The following NIPBL variants were observed in gnomAD, a reference collection of about 807,000 sequenced individuals.
The protein encoded by NIPBL is NIPBL cohesin loading factor, also known as nipped-B-like protein.
Under a neutral mutation model 321.8 loss-of-function variants are expected in NIPBL, and 19 were observed. The ratio of observed to expected loss-of-function variants is 0.06; its 90% CI spans 0.04 to 0.09. The LOEUF is 0.09. NIPBL is among the 10% of genes least tolerant of loss of function. The pLI is 1.00. For synonymous variants in NIPBL, 1,106 were observed against 1,114.1 expected (o/e 0.99, Z 0.14); for missense variants, 2,210 against 3,327.0 (o/e 0.66, Z 8.26).
At chr5:36,982,308 A>C in intron 9 of NIPBL, 13 of 725,286 alleles carry the variant, frequency 1.8e-5, no homozygotes, top group South Asian at 6.2e-5. Flanking sequence ...ATGAAGACTC[A>C]TAACAAAAGT....
At chr5:37,038,104 C>G (rs1026369035) in intron 33 of NIPBL, among the ~76,000 whole-genome samples, 1 of 151,768 alleles carries the variant, frequency 6.6e-6, no homozygotes, top group Admixed American at 6.6e-5. Context: ...ATCCTCCCAC[C>G]TCGGCCTCCC....
intron 1 of NIPBL, among the ~76,000 whole-genome samples, chr5:36,952,524 T>A (rs917687255): frequency 1.4e-4 from 21 of 152,166 alleles, no homozygotes; most frequent in African/African-American, 4.6e-4. Flanking sequence ...TACCAAGTAC[T>A]GTTAAAGGAA....
chr5:37,029,240 TC>T (rs1478245222), intron 32 of NIPBL, among the ~76,000 whole-genome samples: 2 of 152,206 alleles, frequency 1.3e-5, no homozygotes, highest in Non-Finnish European at 1.5e-5. Context: ...TTGCAGTTGA[TC>T]CTCTCTTCCT....
chr5:37,012,154 CTT>C (rs1748207980), intron 21 of NIPBL, among the ~76,000 whole-genome samples: 3 of 89,802 alleles, frequency 3.3e-5, no homozygotes, highest in African/African-American at 1.2e-4. Flanking sequence ...TTTTTTTTTT[CTT>C]TTTGTTTTCT....
At chr5:37,050,158 T>A (rs948472879) in intron 40 of NIPBL, among the ~76,000 whole-genome samples, 1 of 149,174 alleles carries the variant, frequency 6.7e-6, no homozygotes, top group Non-Finnish European at 1.5e-5. Flanking sequence ...CCTTTTAAAC[T>A]TTTTTTTTTA....
chr5:37,064,671 A>C lies in NIPBL; in HGVS notation c.8194A>C (p.Ser2732Arg). The C allele has an allele frequency of 6.2e-7, 1 of 1,614,196 alleles. No individual in the cohort carries two copies. The highest frequency in any genetic ancestry group is 8.5e-7 in the Non-Finnish European group (1 of 1,180,034). ...AATTGCAAGAGTAGTGCAGAAAACCAGCAGTGGCTTCAGTGTTCAGTGGAT... is the reference window on the plus strand; with the variant it reads ...AATTGCAAGAGTAGTGCAGAAAACCCGCAGTGGCTTCAGTGTTCAGTGGAT... ...PQIARVVQKTSSGFSVQWMAG... is the reference protein window; with the variant it reads ...PQIARVVQKTRSGFSVQWMAG... Residue 2732 changes from serine to arginine, a missense_variant, in exon 47 of 47, where the codon AGC (serine) becomes CGC (arginine). Ser to Arg is a moderately radical substitution (Grantham distance 110). Around this residue, in one of 14 missense-constraint regions of NIPBL, gnomAD observed 159 missense variants for 319.2 expected, o/e 0.50. Transcript: ENST00000282516.
At chr5:36,881,433 C>A (rs372486427) in intron 1 of NIPBL, among the ~76,000 whole-genome samples, 1 of 151,678 alleles carries the variant, frequency 6.6e-6, no homozygotes, top group East Asian at 1.9e-4. Flanking sequence ...TGTAGCATTG[C>A]CAGCTAAGAT....
At chr5:36,912,774 A>T (rs1748145953) in intron 1 of NIPBL, among the ~76,000 whole-genome samples, 1 of 152,118 alleles carries the variant, frequency 6.6e-6, no homozygotes, top group Non-Finnish European at 1.5e-5. Context: ...TGCTGGGATT[A>T]CAGATGTGAG....
chr5:36,941,439 A>G (rs935449317), intron 1 of NIPBL, among the ~76,000 whole-genome samples: 10 of 151,762 alleles, frequency 6.6e-5, no homozygotes, highest in African/African-American at 9.7e-5. Flanking sequence ...AAAAAAATCA[A>G]TCAGCTATCA....
At chr5:36,926,984 C>G (rs544198331) in intron 1 of NIPBL, among the ~76,000 whole-genome samples, 1 of 152,066 alleles carries the variant, frequency 6.6e-6, no homozygotes, top group Admixed American at 6.5e-5. Flanking sequence ...TGAAGCTGAA[C>G]CAAAATGTTT....
At chr5:37,064,103 GTAGA>G (rs1455857916) in intron 46 of NIPBL, 125 bp downstream of exon 46, 13 of 1,463,752 alleles carry the variant, frequency 8.9e-6, no homozygotes, top group African/African-American at 2.8e-5. Context: ...AAAACATTTT[GTAGA>G]TAGAGATTCT....
At chr5:36,936,811 CTT>C (rs2149578155) in intron 1 of NIPBL, among the ~76,000 whole-genome samples, 1 of 151,540 alleles carries the variant, frequency 6.6e-6, no homozygotes, top group Non-Finnish European at 1.5e-5. Context: ...GATAACGAGA[CTT>C]AACTCATTGG....
intron 6 of NIPBL, among the ~76,000 whole-genome samples, chr5:36,963,722 A>C (rs1336337422): frequency 6.6e-6 from 1 of 152,084 alleles, no homozygotes; most frequent in African/African-American, 2.4e-5. Context: ...CCAGAAGGTC[A>C]AGACTGCAGT....
In NIPBL at chr5:36,985,132, T is replaced by C. The variant is rs1744602233; in HGVS notation, c.1952T>C (p.Leu651Pro). 1 of 1,613,580 alleles carries C rather than the reference T, an allele frequency of 6.2e-7. No homozygotes were observed. Among genetic ancestry groups the C allele is most frequent in the African/African-American group, 1.3e-5 (1 of 74,898 alleles). The change falls in exon 10 of 47, where the codon CTT becomes CCT. Residue 651 changes from leucine to proline, a missense_variant. This residue lies in a region of NIPBL where 588 missense variants were observed against 564.1 expected (regional missense o/e 1.04). Transcript: ENST00000282516. Reference sequence around the variant, plus strand: ...AAAGTTGAGACCCAAACAGAAGAACTTAAACAGAATGAGAGCAGAACAACT... The same window carrying C: ...AAAGTTGAGACCCAAACAGAAGAACCTAAACAGAATGAGAGCAGAACAACT... ...ETKVETQTEE[L>P]KQNESRTTEC... is the part of the protein sequence containing the mutation.
intron 32 of NIPBL, among the ~76,000 whole-genome samples, chr5:37,031,062 C>A (rs1472505013): frequency 6.6e-6 from 1 of 151,854 alleles, no homozygotes; most frequent in African/African-American, 2.4e-5. Context: ...CCGCTCACTG[C>A]AACCTCCGCC....
chr5:37,009,936 A>T, intron 20 of NIPBL, 151 bp from the exon 21 acceptor site: 1 of 645,988 alleles, frequency 1.5e-6, no homozygotes, highest in Non-Finnish European at 2.7e-6. Flanking sequence ...TTGCTAACTT[A>T]CAACAAATAA....
At chr5:36,961,379 CA>C (rs1461625385) in intron 4 of NIPBL, 104 bp from the exon 5 acceptor site, 21 of 764,636 alleles carry the variant, frequency 2.7e-5, no homozygotes, top group Non-Finnish European at 4.6e-5. Context: ...AAACATTGAT[CA>C]AAAAAATCTC....
chr5:37,000,960 A>G, intron 13 of NIPBL, 29 bp from the exon 14 acceptor site: 5 of 1,586,166 alleles, frequency 3.2e-6, no homozygotes, highest in East Asian at 2.2e-5. Context: ...GTAATGTGAG[A>G]ATAATGAATA....
chr5:36,976,294 G>A lies in NIPBL; in HGVS notation c.1387G>A (p.Gly463Arg), dbSNP rs1195835140. ...GAATCAACAACAGATATCACAACAG[G>A]GACCTATATATGATGAAGTGGAATT... is the stretch of plus-strand genomic sequence containing the variant. ...VQNQQQISQQ[G>R]PIYDEVELDA... Residue 463 changes from glycine to arginine, a missense_variant, in exon 9 of 47, where the codon GGA becomes AGA. This residue lies in a region of NIPBL where 464 missense variants were observed against 529.5 expected (regional missense o/e 0.88). Transcript: ENST00000282516. The A allele has an allele frequency of 6.2e-7, 1 of 1,613,506 alleles. No homozygotes were observed. Among genetic ancestry groups the A allele is most frequent in the East Asian group, 2.2e-5 (1 of 44,858 alleles).
Sources: gnomAD v4.1 joint callset for allele counts (sites outside exome capture counted in the v4.1 genomes callset) on GRCh38, gnomAD v4.1.1 for gene constraint, gnomAD v4.1.1 regional missense constraint, MANE v1.5 for transcripts, NCBI Gene and HGNC (gene_info 2026-07-23, HGNC 2026-07-21) for gene names.